The following HDAC9 variants were observed in gnomAD, a reference collection of about 807,000 sequenced individuals.
HDAC9 encodes the protein MEF-2 interacting transcription repressor (MITR) protein.
A neutral mutation model predicts 139.4 loss-of-function variants in HDAC9; 41 were observed. That is an observed-to-expected ratio of 0.29 (90% confidence interval 0.23 to 0.38). HDAC9 has a LOEUF of 0.38. Among genes scored for constraint, HDAC9 ranks in the 10% least tolerant of loss-of-function variants. HDAC9 has a pLI of 1.00. For synonymous variants in HDAC9, 517 were observed against 476.2 expected, an observed-to-expected ratio of 1.09 and a Z score of -1.12; for missense variants, 1,147 against 1,297.0, an observed-to-expected ratio of 0.88 and a Z score of 1.78.
At chr7:18,547,605 A>G (rs1322903823) in intron 2 of HDAC9, among the ~76,000 whole-genome samples, 1 of 152,214 alleles carries the variant, frequency 6.6e-6, no homozygotes, top group Admixed American at 6.5e-5. Context: ...CTTTCATGAA[A>G]GATTTATCTA....
chr7:18,668,975 A>C, intron 12 of HDAC9: 1 of 738,546 alleles, frequency 1.4e-6, no homozygotes, highest in Non-Finnish European at 1.7e-6. Flanking sequence ...CATTTTGAGC[A>C]GTTACATCTA....
intron 22 of HDAC9, among the ~76,000 whole-genome samples, chr7:18,903,094 C>T (rs922020552): frequency 6.6e-6 from 1 of 152,178 alleles, no homozygotes; most frequent in African/African-American, 2.4e-5. Flanking sequence ...TTTACATGTT[C>T]AGGCCAGAGA....
At chr7:18,403,506 A>G (rs532382396) in intron 1 of HDAC9, among the ~76,000 whole-genome samples, 9 of 152,160 alleles carry the variant, frequency 5.9e-5, no homozygotes, top group Non-Finnish European at 1.2e-4. Context: ...CCTGCTGTGT[A>G]TTTGGTTGTA....
chr7:18,829,122 A>G (rs13227668), intron 17 of HDAC9, 39 bp from the exon 18 acceptor site: 17,856 of 1,473,872 alleles, frequency 0.012, 151 homozygotes, highest in Non-Finnish European at 0.015. Flanking sequence ...TACCCTCTCC[A>G]TTATATCTGA....
chr7:18,201,958 T>C (rs767290750), intron 2 of HDAC9, among the ~76,000 whole-genome samples: 3 of 152,240 alleles, frequency 2.0e-5, no homozygotes, highest in Non-Finnish European at 4.4e-5. Context: ...TACTTCCCAG[T>C]AATGGAAGAT....
intron 1 of HDAC9, among the ~76,000 whole-genome samples, chr7:18,478,104 C>CTCTG (rs1357829888): frequency 6.6e-6 from 1 of 151,530 alleles, no homozygotes; most frequent in Non-Finnish European, 1.5e-5. Flanking sequence ...TGGAGTCTTG[C>CTCTG]TCTGTCGCCC....
chr7:18,273,055 C>CTTTTTT (rs1491175072), intron 2 of HDAC9, among the ~76,000 whole-genome samples: 9 of 68,248 alleles, frequency 1.3e-4, no homozygotes, highest in African/African-American at 2.5e-4. Flanking sequence ...TCCCCTTCTT[C>CTTTTTT]GTTTTTTTTT....
At position 18,510,601 on chromosome 7, in the gene HDAC9, T is replaced by C. The variant is rs113523561; in HGVS notation, c.22+14277T>C. Among the ~76,000 whole-genome samples the C allele has an allele frequency of 8.0e-3, 1,222 of 152,292 alleles. 18 individuals carry two copies. The highest frequency in any genetic ancestry group is 0.028 in the African/African-American group (1,161 of 41,572). ...TTGCTATCTAGCTCATCTACATTTA[T>C]TCTGACATTATTTAATTAGCTATAT... On this transcript the variant is annotated intron_variant, in intron 2 of 25. Transcript: ENST00000686413.
At position 18,936,098 on chromosome 7, in the gene HDAC9, C is replaced by T. The variant is rs375919890; in HGVS notation, c.2937+156C>T. 2.2e-4 allele frequency among the ~76,000 whole-genome samples: 34 copies of T among 152,270 alleles called. 1 individual carries two copies. The South Asian group carries it at 7.0e-3, about 32-fold the overall frequency. The stretch of plus-strand genomic sequence containing the variant: ...AGCCTTAGATAAGTTTACATGTTCT[C>T]GTATACTACAATGTTATCCCAGGTA... On this transcript the variant is annotated intron_variant, in intron 23 of 25. Coordinates refer to ENST00000686413, the MANE Select transcript of HDAC9 (RefSeq NM_178425.4).
chr7:18,219,187 T>A (rs1792515498), intron 2 of HDAC9, among the ~76,000 whole-genome samples: 1 of 152,168 alleles, frequency 6.6e-6, no homozygotes, highest in Non-Finnish European at 1.5e-5. Context: ...CTTGAATCTA[T>A]GTAGTATTTT....
At chr7:18,222,296 T>A (rs1048406633) in intron 2 of HDAC9, among the ~76,000 whole-genome samples, 2 of 152,192 alleles carry the variant, frequency 1.3e-5, no homozygotes, top group Admixed American at 1.3e-4. Context: ...GCTCTTTTAA[T>A]TGTAGTTCTT....
At chr7:18,757,825 A>G (rs1287252889) in intron 14 of HDAC9, among the ~76,000 whole-genome samples, 5 of 152,092 alleles carry the variant, frequency 3.3e-5, no homozygotes, top group African/African-American at 7.2e-5. Flanking sequence ...TTCTTCTATA[A>G]TCGGGATGCA....
At chr7:18,349,847 T>C (rs962034966) in intron 1 of HDAC9, among the ~76,000 whole-genome samples, 4 of 152,182 alleles carry the variant, frequency 2.6e-5, no homozygotes, top group African/African-American at 9.6e-5. Flanking sequence ...GAAGTGGCTA[T>C]TCAATATTAA....
intron 23 of HDAC9, 46 bp from the exon 24 acceptor site, chr7:18,954,100 T>A (rs1312954506): frequency 7.6e-7 from 1 of 1,313,506 alleles, no homozygotes; most frequent in African/African-American, 1.5e-5. Context: ...AGACTTACTA[T>A]AAAGTCATAA....
At position 18,677,399 on chromosome 7, in the gene HDAC9, G is replaced by A. The variant is rs147848372; in HGVS notation, c.1731+10923G>A. Among the ~76,000 whole-genome samples the A allele has an allele frequency of 5.1e-3, 778 of 151,918 alleles. 4 individuals are homozygous for A. Among genetic ancestry groups the A allele is most frequent in the African/African-American group, 0.018 (743 of 41,520 alleles). ...TATGTATTTGTCTATTGATGGAAAT[G>A]TAGGTTATTTTCAGGTGTGAGTAAT... is the stretch of plus-strand genomic sequence containing the variant. On this transcript the variant is annotated intron_variant, in intron 12 of 25. Coordinates refer to ENST00000686413, the MANE Select transcript of HDAC9 (RefSeq NM_178425.4).
chr7:18,692,650 A>G (rs1782752997), intron 12 of HDAC9, among the ~76,000 whole-genome samples: 1 of 152,136 alleles, frequency 6.6e-6, no homozygotes, highest in Admixed American at 6.6e-5. Context: ...GGGCCACGCA[A>G]ACTAATGGAG....
chr7:18,121,614 T>G (rs1452844496), intron 1 of HDAC9, among the ~76,000 whole-genome samples: 1 of 150,950 alleles, frequency 6.6e-6, no homozygotes, highest in African/African-American at 2.4e-5. Context: ...CAACATTCAA[T>G]AATTGAACCT....
At chr7:18,933,886 A>C (rs1444227511) in intron 22 of HDAC9, among the ~76,000 whole-genome samples, 1 of 152,166 alleles carries the variant, frequency 6.6e-6, no homozygotes, top group East Asian at 1.9e-4. Context: ...AAATGAAAAT[A>C]TCACTAAAGA....
At chr7:18,456,441 G>A (rs753763499) in intron 1 of HDAC9, among the ~76,000 whole-genome samples, 6 of 152,032 alleles carry the variant, frequency 3.9e-5, no homozygotes, top group Non-Finnish European at 7.4e-5. Flanking sequence ...TCACCATGCT[G>A]GCCAGGCTGA....
Sources: allele counts gnomAD v4.1 joint callset (sites outside exome capture counted in the v4.1 genomes callset), GRCh38; gene constraint gnomAD v4.1.1; transcripts MANE v1.5; gene names NCBI Gene and HGNC (gene_info 2026-07-23, HGNC 2026-07-21).